Variants in PRPF8 observed in about 807,000 individuals in gnomAD.
PRPF8 encodes the protein pre-mRNA-processing-splicing factor 8.
Under a neutral mutation model 285.9 loss-of-function variants are expected in PRPF8, and 64 were observed. The ratio of observed to expected loss-of-function variants is 0.22; its 90% CI spans 0.18 to 0.28. The LOEUF is 0.28. PRPF8 is among the 10% of genes least tolerant of loss of function. The probability of loss-of-function intolerance (pLI) is 1.00; values close to 1 mark genes in which losing one functional copy is unlikely to be tolerated. For missense variants in PRPF8, 1,426 were observed against 3,026.7 expected (o/e 0.47, Z 12.41); for synonymous variants, 1,325 against 1,118.2 (o/e 1.18, Z -3.69).
At chr17:1,665,694 A>C (rs1253936594) in intron 24 of PRPF8, among the ~76,000 whole-genome samples, 7 of 151,566 alleles carry the variant, frequency 4.6e-5, no homozygotes, top group Admixed American at 6.6e-5. Flanking sequence ...ACACACAAAA[A>C]AATTAGCCGG....
In PRPF8 at chr17:1,654,165, C is replaced by T. The variant is rs16950614; in HGVS notation, c.5988-149G>A. On this transcript the variant is annotated intron_variant, in intron 37 of 42. Coordinates refer to ENST00000304992, the MANE Select transcript of PRPF8 (RefSeq NM_006445.4). ...AGCTGCTTCTACAGGAAGTGTGAAA[C>T]GGAGGTGCACTAACACTTCCAAGAT... 18,594 of 1,161,270 alleles carry T rather than the reference C, an allele frequency of 0.016. 2,104 individuals carry two copies. The African/African-American group carries it at 0.24, about 15-fold the overall frequency. The allele number at this position is 1,161,270 out of a possible 1,614,324, so 71.9% of individuals were successfully genotyped here.
chr17:1,683,247 G>C, intron 3 of PRPF8: 1 of 436,186 alleles, frequency 2.3e-6, no homozygotes, highest in South Asian at 2.1e-5. Context: ...CACCCGCCTC[G>C]GCCTCCCAAA....
In PRPF8 at chr17:1,675,321, T is replaced by G. The variant is rs866593038; in HGVS notation, c.2891A>C (p.Asp964Ala). ...KWCQGINNLQ[D>A]VWETSEGECN... is the part of the protein sequence containing the mutation. ...CTCGCCTTCACTCGTCTCCCACACG[T>G]CCTGCAGGTTATTGATGCCTGAGGA... Residue 964 changes from aspartate (D) to alanine (A), a missense_variant, in exon 20 of 43, where the codon GAC (aspartate) becomes GCC (alanine). Asp to Ala is a moderately radical substitution (Grantham distance 126). Transcript: ENST00000304992. The surrounding 1 kb of genome is among the most constrained non-coding windows in gnomAD (Gnocchi z 6.0). The G allele has an allele frequency of 6.2e-7, 1 of 1,614,176 alleles. No individual in the cohort carries two copies. The highest frequency in any genetic ancestry group is 1.7e-4 in the Middle Eastern group (1 of 6,058).
At chr17:1,682,789 T>C (rs1363339038) in intron 3 of PRPF8, among the ~76,000 whole-genome samples, 1 of 152,188 alleles carries the variant, frequency 6.6e-6, no homozygotes, top group African/African-American at 2.4e-5. Flanking sequence ...CAAACATTTT[T>C]GTGTCCAAAT....
In PRPF8 at chr17:1,674,600, C is replaced by T. The variant is rs966875129; in HGVS notation, c.3141G>A (p.Val1047=). 1.9e-6 allele frequency: 3 copies of T among 1,614,030 alleles called. No individual in the cohort carries two copies. The highest frequency in any genetic ancestry group is 1.7e-6 in the Non-Finnish European group (2 of 1,180,028). ...GCAATCCCAATACAAGCAAATCCAT[C>T]ACCAGGCCATAATACTGCACGATGA... ...ASFIVQYYGL[V]MDLLVLGLHR... is the part of the protein sequence containing the mutation. The change falls in exon 21 of 43, where the codon GTG becomes GTA. Residue 1047 remains valine, a synonymous_variant. Coordinates refer to ENST00000304992, the MANE Select transcript of PRPF8 (RefSeq NM_006445.4).
At position 1,650,733 on chromosome 17, in the gene PRPF8, T is replaced by C. The variant is rs751893534; in HGVS notation, c.*69A>G. On this transcript the variant is annotated 3_prime_UTR_variant, in exon 43 of 43. Coordinates refer to ENST00000304992, the MANE Select transcript of PRPF8 (RefSeq NM_006445.4). ...GAGGGAAAGAGGCCAAACTGCTGAA[T>C]GTCAGCGGCCTGTCTGGAGGGGCTG... 3 of 1,582,550 alleles carry C rather than the reference T, an allele frequency of 1.9e-6. No homozygotes were observed. The highest frequency in any genetic ancestry group is 2.7e-5 in the African/African-American group (2 of 74,130).
In PRPF8 at chr17:1,653,784, T is replaced by A; in HGVS notation, c.6220A>T (p.Arg2074Trp). The change falls in exon 38 of 43, where the codon AGG becomes TGG. Residue 2074 changes from arginine to tryptophan, a missense_variant. By Grantham distance (101) the Arg-to-Trp change is moderately radical. This residue lies in a region of PRPF8 where 160 missense variants were observed against 373.7 expected (regional missense o/e 0.43). Transcript: ENST00000304992. This position sits in a 1 kb window ranked among gnomAD's most constrained non-coding sequence, Gnocchi z 4.9. ...CCTCTTGCCCGACAGTACCTGACCC[T>A]CCACTCAGTCTTGGATGAGAAAGTC... Reference protein sequence around the residue: ...TQTFSSKTEWRVRAISAANLH... With the variant: ...TQTFSSKTEWWVRAISAANLH... 6.2e-7 allele frequency: 1 copy of A among 1,614,092 alleles called. No individual in the cohort carries two copies. Among genetic ancestry groups the A allele is most frequent in the Non-Finnish European group, 8.5e-7 (1 of 1,180,012 alleles).
intron 37 of PRPF8, chr17:1,654,220 C>T (rs954013035): frequency 1.7e-5 from 12 of 712,628 alleles, no homozygotes; most frequent in African/African-American, 1.7e-5. Flanking sequence ...CAGCACACTG[C>T]GTGTGCACCT....
intron 24 of PRPF8, among the ~76,000 whole-genome samples, chr17:1,668,490 G>GT (rs1399079847): frequency 1.3e-5 from 2 of 151,090 alleles, no homozygotes; most frequent in Admixed American, 1.3e-4. Context: ...GCCCCCCTGA[G>GT]TAGCTGGGAC....
chr17:1,654,027 G>A lies in PRPF8; in HGVS notation c.5988-11C>T. The A allele has an allele frequency of 6.2e-7, 1 of 1,614,150 alleles. No individual in the cohort carries two copies. The highest frequency in any genetic ancestry group is 8.5e-7 in the Non-Finnish European group (1 of 1,180,032). ...GATGCCACGTTCACACTGTGGGGAT[G>A]GTGTGGGTTATATTACAAGGATCCC... On this transcript the variant is annotated splice_polypyrimidine_tract_variant and intron_variant, in intron 37 of 42. Transcript: ENST00000304992.
chr17:1,652,025 A>C (rs1031145768), intron 39 of PRPF8: 5 of 615,224 alleles, frequency 8.1e-6, no homozygotes, highest in African/African-American at 1.8e-5. Flanking sequence ...TGCACTGCTC[A>C]CAAGCTCCCC....
chr17:1,681,716 T>A, intron 5 of PRPF8, 26 bp from the exon 6 acceptor site: 1 of 1,612,462 alleles, frequency 6.2e-7, no homozygotes, highest in Non-Finnish European at 8.5e-7. Flanking sequence ...AAGGCCCACC[T>A]CAAGTAAGCA....
At position 1,659,563 on chromosome 17, in the gene PRPF8, G is replaced by T. The variant is rs568023397; in HGVS notation, c.4947-15C>A. 63 of 1,611,526 alleles carry T rather than the reference G, an allele frequency of 3.9e-5. No homozygotes were observed. In the African/African-American group the frequency reaches 8.0e-4, roughly 20 times the overall value. On this transcript the variant is annotated splice_polypyrimidine_tract_variant and intron_variant, in intron 31 of 42. Transcript: ENST00000304992. The surrounding 1 kb of genome is among the most constrained non-coding windows in gnomAD (Gnocchi z 5.1). ...CCATCACATCCCTGAGGATGAAGAG[G>T]GTTCAAGCTTCTAAGAAACCATGGG...
chr17:1,683,506 A>C (rs1913052965), intron 3 of PRPF8, 27 bp downstream of exon 3: 5 of 1,613,688 alleles, frequency 3.1e-6, no homozygotes, highest in Non-Finnish European at 4.2e-6. Context: ...CAAATTCCAA[A>C]TGAAATTATT....
At chr17:1,657,383 A>C (rs1000036572) in intron 34 of PRPF8, among the ~76,000 whole-genome samples, 13 of 152,056 alleles carry the variant, frequency 8.5e-5, no homozygotes, top group African/African-American at 2.7e-4. Context: ...CGGTGGCTCA[A>C]GCCTGTAATC....
chr17:1,665,956 G>A (rs1740720126), intron 24 of PRPF8, among the ~76,000 whole-genome samples: 2 of 150,588 alleles, frequency 1.3e-5, no homozygotes, highest in East Asian at 2.0e-4. Context: ...GTGGTCAGGA[G>A]ATCGAGACCA....
intron 24 of PRPF8, among the ~76,000 whole-genome samples, chr17:1,662,593 G>GA (rs113600062): frequency 0.31 from 41,047 of 132,674 alleles, 6,810 homozygotes; most frequent in African/African-American, 0.47. Flanking sequence ...CATCTCAGGG[G>GA]AAAAAAAAAA....
Position 1,676,884 on chromosome 17 carries a change from T to A in PRPF8, c.2181+92A>T, listed in dbSNP as rs1912628113. The A allele has an allele frequency of 6.6e-7, 1 of 1,526,230 alleles. No homozygotes were observed. The highest frequency in any genetic ancestry group is 1.7e-5 in the Admixed American group (1 of 59,388). 94.5% of individuals were successfully genotyped at this position (1,526,230 alleles called of 1,614,324 possible). ...GTCTAAAAGGGAAAAGAAAAGAGAT[T>A]GGAGCCAGATAGCCCCCTAATGATT... On this transcript the variant is annotated intron_variant, in intron 15 of 42. Transcript: ENST00000304992. This position sits in a 1 kb window ranked among gnomAD's most constrained non-coding sequence, Gnocchi z 6.3.
Position 1,661,762 on chromosome 17 carries a change from T to A in PRPF8, c.4051A>T (p.Thr1351Ser). The A allele has an allele frequency of 6.2e-7, 1 of 1,614,250 alleles. No individual in the cohort carries two copies. Among genetic ancestry groups the A allele is most frequent in the Non-Finnish European group, 8.5e-7 (1 of 1,180,056 alleles). ...TGGCTCATTCCTGAACGAAAGTGTG[T>A]GATACCTACATCTGTCTGTTTGGAC... Reference protein sequence around the residue: ...RWSKQTDVGITHFRSGMSHEE... With the variant: ...RWSKQTDVGISHFRSGMSHEE... Residue 1351 changes from threonine (T) to serine (S), a missense_variant, in exon 26 of 43, where the codon ACA (threonine) becomes TCA (serine). Physicochemically the swap from Thr to Ser is moderately conservative, Grantham distance 58 (BLOSUM62 1). This residue lies in a region of PRPF8 where 16 missense variants were observed against 16.3 expected (regional missense o/e 0.98). Coordinates refer to ENST00000304992, the MANE Select transcript of PRPF8 (RefSeq NM_006445.4). This position sits in a 1 kb window ranked among gnomAD's most constrained non-coding sequence, Gnocchi z 7.3.
Sources: allele counts gnomAD v4.1 joint callset (sites outside exome capture counted in the v4.1 genomes callset), GRCh38; gene constraint gnomAD v4.1.1; regional missense constraint gnomAD v4.1.1; non-coding constraint Gnocchi (gnomAD v3.1); transcripts MANE v1.5; gene names NCBI Gene and HGNC (gene_info 2026-07-23, HGNC 2026-07-21).